Variants in RERE observed in about 807,000 individuals in gnomAD.
RERE encodes arginine-glutamic acid dipeptide repeats protein.
In RERE, 40 loss-of-function variants were observed where a neutral mutation model predicts 146.1. The ratio of observed to expected loss-of-function variants is 0.27; its 90% CI spans 0.21 to 0.36. RERE has a LOEUF of 0.36. Ranked by LOEUF, RERE falls within the 10% of genes least tolerant of loss-of-function variation. RERE has a pLI of 1.00. For synonymous variants in RERE, 1,003 were observed against 866.0 expected (o/e 1.16, Z -2.78); for missense variants, 1,933 against 2,138.7 (o/e 0.90, Z 1.90).
chr1:8,515,640 A>AAACAAC (rs373344787), intron 7 of RERE, among the ~76,000 whole-genome samples: 2 of 151,932 alleles, frequency 1.3e-5, no homozygotes, highest in South Asian at 2.1e-4. Flanking sequence ...AAAAACAAAC[A>AAACAAC]AACAACAACA....
chr1:8,371,914 G>A (rs1642051808), intron 12 of RERE, among the ~76,000 whole-genome samples: 1 of 152,236 alleles, frequency 6.6e-6, no homozygotes, highest in Non-Finnish European at 1.5e-5. Flanking sequence ...GTGCATGTGT[G>A]CACAGATGTG....
chr1:8,538,802 G>T (rs1392379307), intron 7 of RERE, among the ~76,000 whole-genome samples: 1 of 152,194 alleles, frequency 6.6e-6, no homozygotes, highest in Non-Finnish European at 1.5e-5. Flanking sequence ...GTCACTAAGG[G>T]AAGTGATTCA....
intron 1 of RERE, among the ~76,000 whole-genome samples, chr1:8,781,966 G>C (rs1434653400): frequency 1.3e-5 from 2 of 152,080 alleles, no homozygotes; most frequent in Admixed American, 6.6e-5. Context: ...AATTATACCT[G>C]ATTTTGAGGC....
chr1:8,718,787 AT>A (rs1302230747), intron 1 of RERE, among the ~76,000 whole-genome samples: 1 of 152,192 alleles, frequency 6.6e-6, no homozygotes, highest in Non-Finnish European at 1.5e-5. Flanking sequence ...AAGTCTCCAT[AT>A]GCCCATCTAT....
At chr1:8,407,370 C>G (rs1055122585) in intron 12 of RERE, among the ~76,000 whole-genome samples, 1 of 152,144 alleles carries the variant, frequency 6.6e-6, no homozygotes, top group East Asian at 1.9e-4. Context: ...TGAGACAGTT[C>G]GCATCTCAAC....
At chr1:8,640,667 TTAATGC>T (rs1216714824) in intron 2 of RERE, among the ~76,000 whole-genome samples, 1 of 152,210 alleles carries the variant, frequency 6.6e-6, no homozygotes. Flanking sequence ...TACTGGATAT[TTAATGC>T]ATATATAATG....
At chr1:8,683,879 T>C (rs200716179) in intron 1 of RERE, among the ~76,000 whole-genome samples, 33 of 151,772 alleles carry the variant, frequency 2.2e-4, no homozygotes, top group Admixed American at 1.1e-3. Context: ...GAGGTGGAGG[T>C]TGCACTGAGC....
At chr1:8,642,051 G>A (rs1185277683) in intron 2 of RERE, among the ~76,000 whole-genome samples, 1 of 151,890 alleles carries the variant, frequency 6.6e-6, no homozygotes, top group Non-Finnish European at 1.5e-5. Context: ...ACATTTTGGG[G>A]GTCAAAAAAT....
At chr1:8,758,330 C>T (rs573802118) in intron 1 of RERE, among the ~76,000 whole-genome samples, 1 of 152,030 alleles carries the variant, frequency 6.6e-6, no homozygotes, top group East Asian at 1.9e-4. Context: ...GATCCACCCA[C>T]CCAGCCACCC....
chr1:8,719,992 C>T (rs955012370), intron 1 of RERE, among the ~76,000 whole-genome samples: 6 of 152,200 alleles, frequency 3.9e-5, no homozygotes, highest in African/African-American at 1.4e-4. Context: ...ATTAATGGAA[C>T]TTACAAGCCC....
chr1:8,555,073 A>T (rs1645989519), intron 6 of RERE, among the ~76,000 whole-genome samples: 1 of 152,218 alleles, frequency 6.6e-6, no homozygotes, highest in African/African-American at 2.4e-5. Flanking sequence ...ATTCATCTAA[A>T]TTCCTGTAAG....
intron 1 of RERE, among the ~76,000 whole-genome samples, chr1:8,782,216 C>A (rs1641177608): frequency 6.6e-6 from 1 of 152,062 alleles, no homozygotes; most frequent in Admixed American, 6.6e-5. Flanking sequence ...CAGTCCTAAG[C>A]TGATTTTTAG....
chr1:8,755,021 G>A (rs546242361), intron 1 of RERE, among the ~76,000 whole-genome samples: 10 of 152,320 alleles, frequency 6.6e-5, no homozygotes, highest in African/African-American at 2.2e-4. Flanking sequence ...CTACTGAAAG[G>A]CAAGCCTTGT....
intron 4 of RERE, among the ~76,000 whole-genome samples, chr1:8,610,716 A>T (rs1378416523): frequency 6.6e-6 from 1 of 152,172 alleles, no homozygotes; most frequent in Non-Finnish European, 1.5e-5. Context: ...AATTTAATGA[A>T]TTATTTTATT....
intron 12 of RERE, among the ~76,000 whole-genome samples, chr1:8,394,468 C>T (rs1327758062): frequency 2.0e-5 from 3 of 152,166 alleles, no homozygotes; most frequent in Non-Finnish European, 4.4e-5. Flanking sequence ...ATATTATCAC[C>T]ATTTTATAGA....
At chr1:8,627,728 C>A (rs1229725442) in intron 2 of RERE, among the ~76,000 whole-genome samples, 5 of 152,134 alleles carry the variant, frequency 3.3e-5, no homozygotes, top group African/African-American at 9.7e-5. Flanking sequence ...TTACTACACA[C>A]CATCTTACTG....
chr1:8,664,906 C>T (rs972047527), intron 1 of RERE, among the ~76,000 whole-genome samples: 4 of 152,178 alleles, frequency 2.6e-5, no homozygotes, highest in African/African-American at 9.7e-5. Context: ...TTTAAAAAGG[C>T]TAATGACATT....
chr1:8,550,494 T>G (rs1390747794), intron 6 of RERE, among the ~76,000 whole-genome samples: 1 of 152,222 alleles, frequency 6.6e-6, no homozygotes, highest in Non-Finnish European at 1.5e-5. Flanking sequence ...ACCATGAAAC[T>G]CCTTACAGAA....
chr1:8,803,385 G>A (rs534097657), intron 1 of RERE, among the ~76,000 whole-genome samples: 8 of 152,168 alleles, frequency 5.3e-5, no homozygotes, highest in East Asian at 3.9e-4. Context: ...CAGGAGAATC[G>A]CTTGAACCCG....
Sources: gnomAD v4.1 joint callset for allele counts (sites outside exome capture counted in the v4.1 genomes callset) on GRCh38, gnomAD v4.1.1 for gene constraint, MANE v1.5 for transcripts, NCBI Gene and HGNC (gene_info 2026-07-23, HGNC 2026-07-21) for gene names.